The following FXR1 variants were observed in gnomAD, a reference collection of about 807,000 sequenced individuals.
The protein encoded by FXR1 is FMR1 autosomal homolog 1.
Under a neutral mutation model 84.0 loss-of-function variants are expected in FXR1, and 15 were observed. That is an observed-to-expected ratio of 0.18 (90% CI 0.12 to 0.27). FXR1 has a LOEUF of 0.27. FXR1 is among the 10% of genes least tolerant of loss of function. FXR1 has a pLI of 1.00. For synonymous variants in FXR1, 245 were observed against 250.7 expected (o/e 0.98, Z 0.21); for missense variants, 480 against 774.4 (o/e 0.62, Z 4.51).
chr3:180,918,550 GT>G (rs1316862326), intron 1 of FXR1, among the ~76,000 whole-genome samples: 4 of 152,232 alleles, frequency 2.6e-5, no homozygotes, highest in African/African-American at 9.6e-5. Context: ...CTCTATCACA[GT>G]GTTTAAGGTT....
At chr3:180,960,484 G>T (rs1711957351) in intron 10 of FXR1, among the ~76,000 whole-genome samples, 1 of 152,058 alleles carries the variant, frequency 6.6e-6, no homozygotes, top group African/African-American at 2.4e-5. Context: ...TTTGTTTCTG[G>T]AGACAGATTC....
chr3:180,966,956 T>TTA (rs1712912464), intron 13 of FXR1, among the ~76,000 whole-genome samples: 1 of 152,200 alleles, frequency 6.6e-6, no homozygotes, highest in Admixed American at 6.5e-5. Flanking sequence ...AGGCCTCTGA[T>TTA]TATATCTTTG....
chr3:180,970,160 C>T lies in FXR1; in HGVS notation c.1405C>T (p.Leu469Phe). 1 of 1,570,276 alleles carries T rather than the reference C, an allele frequency of 6.4e-7. No individual in the cohort carries two copies. The highest frequency in any genetic ancestry group is 8.8e-7 in the Non-Finnish European group (1 of 1,140,510). The change falls in exon 15 of 17, where the codon CTC becomes TTC. Residue 469 changes from leucine (L) to phenylalanine (F), a missense_variant and splice_region_variant. Physicochemically the swap from Leu to Phe is conservative, Grantham distance 22 (BLOSUM62 0). Transcript: ENST00000357559. ...TCTTGCCTCTGACATGAATATAGTG[C>T]TCAAAGATCCAGACAGCAATCCATA... ...RGGKSSISSV[L>F]KDPDSNPYSL...
intron 13 of FXR1, among the ~76,000 whole-genome samples, chr3:180,963,687 A>G (rs1712433366): frequency 6.6e-6 from 1 of 152,204 alleles, no homozygotes; most frequent in Admixed American, 6.5e-5. Flanking sequence ...ATAAATGAAC[A>G]TTTTCTAAAA....
intron 13 of FXR1, 96 bp downstream of exon 13, chr3:180,963,186 C>G: frequency 3.2e-6 from 2 of 623,270 alleles, no homozygotes; most frequent in East Asian, 5.6e-5. Context: ...TAGTTCATTA[C>G]TCTGTCTTGG....
chr3:180,953,978 T>G (rs2108472726), intron 9 of FXR1, 138 bp downstream of exon 9: 1 of 564,690 alleles, frequency 1.8e-6, no homozygotes, highest in South Asian at 2.5e-5. Flanking sequence ...CAATACTTCT[T>G]TTCTTTTTTT....
At position 180,977,046 on chromosome 3, in the gene FXR1, A is replaced by G. The variant is rs1354146990; in HGVS notation, c.*754A>G. The stretch of plus-strand genomic sequence containing the variant: ...GTTTATTCTGTATAAACTACATGTT[A>G]GTCTTCAGTAGAGTATCTTTTTTTT... On this transcript the variant is annotated 3_prime_UTR_variant, in exon 17 of 17. Transcript: ENST00000357559. 1 of 151,390 alleles carries G rather than the reference A, an allele frequency of 6.6e-6. No homozygotes were observed. The highest frequency in any genetic ancestry group is 1.9e-4 in the East Asian group (1 of 5,174). 9.4% of individuals were successfully genotyped at this position (151,390 alleles called of 1,614,324 possible).
intron 3 of FXR1, among the ~76,000 whole-genome samples, chr3:180,942,990 T>C (rs13095562): frequency 0.24 from 36,504 of 151,988 alleles, 4,596 homozygotes; most frequent in African/African-American, 0.31. Context: ...CTTCCTAAGA[T>C]GGAGTCTTGC....
intron 1 of FXR1, chr3:180,915,594 ATTTC>A (rs1444696326): frequency 1.1e-6 from 1 of 908,570 alleles, no homozygotes; most frequent in Non-Finnish European, 1.7e-6. Context: ...ATTTTAGTGT[ATTTC>A]TTTGGTTTTT....
chr3:180,954,991 T>A (rs964126803), intron 9 of FXR1, among the ~76,000 whole-genome samples: 1 of 149,160 alleles, frequency 6.7e-6, no homozygotes, highest in African/African-American at 2.4e-5. Flanking sequence ...AAATAAATTT[T>A]TTTTTTTTTT....
intron 9 of FXR1, chr3:180,957,536 A>T: frequency 3.9e-6 from 1 of 256,018 alleles, no homozygotes; most frequent in Non-Finnish European, 7.4e-6. Context: ...TATGAAAATG[A>T]TATAAGCATA....
chr3:180,964,670 G>A (rs993369059), intron 13 of FXR1, among the ~76,000 whole-genome samples: 1 of 87,214 alleles, frequency 1.1e-5, no homozygotes, highest in African/African-American at 7.2e-5. Context: ...ACTTGTAGTT[G>A]ATTTATATAT....
At chr3:180,951,638 T>G (rs933159953) in intron 8 of FXR1, among the ~76,000 whole-genome samples, 170 bp downstream of exon 8, 2 of 152,208 alleles carry the variant, frequency 1.3e-5, no homozygotes, top group Non-Finnish European at 2.9e-5. Flanking sequence ...GAAGTTAACT[T>G]TGTATTGAGG....
chr3:180,943,156 G>T (rs565897301), intron 3 of FXR1, among the ~76,000 whole-genome samples: 10 of 151,688 alleles, frequency 6.6e-5, no homozygotes, highest in African/African-American at 1.9e-4. Flanking sequence ...TAGTAGAGAC[G>T]GGGTTTCACC....
intron 1 of FXR1, among the ~76,000 whole-genome samples, chr3:180,931,598 A>G (rs1719907783): frequency 6.6e-6 from 1 of 152,156 alleles, no homozygotes; most frequent in Admixed American, 6.5e-5. Context: ...GTCCCGTGGC[A>G]CACAAATAAA....
At chr3:180,929,489 G>C (rs1450940640) in intron 1 of FXR1, among the ~76,000 whole-genome samples, 1 of 152,174 alleles carries the variant, frequency 6.6e-6, no homozygotes, top group South Asian at 2.1e-4. Flanking sequence ...ATATGTATGG[G>C]AAGAAGAAAA....
rs145396419 is a variant in FXR1, at chr3:180,960,733, A to G, written c.991-735A>G. ...ACCTGCCTCAGCCTCCCAAAGTGCT[A>G]GGATTACAGGTGTGAGTCACCATGA... On this transcript the variant is annotated intron_variant, in intron 10 of 16. Transcript: ENST00000357559. 6.4e-3 allele frequency among the ~76,000 whole-genome samples: 967 copies of G among 152,256 alleles called. 5 individuals are homozygous for G. Among genetic ancestry groups the G allele is most frequent in the Non-Finnish European group, 9.3e-3 (633 of 67,988 alleles).
rs1029306836 is a variant in FXR1 at position 180,979,004 on chromosome 3, C to G, written c.*2712C>G. 2 of 152,008 alleles carry G rather than the reference C, an allele frequency of 1.3e-5. No individual in the cohort carries two copies. The highest frequency in any genetic ancestry group is 4.8e-5 in the African/African-American group (2 of 41,390). 9.4% of individuals were successfully genotyped at this position (152,008 alleles called of 1,614,324 possible). On this transcript the variant is annotated 3_prime_UTR_variant, in exon 17 of 17. Transcript: ENST00000357559. ...ACACAAATCTTTATTTTGAAATAAT[C>G]TTGTATTTTAATGTGGAATTAGAAG...
At chr3:180,950,371 T>C (rs1185906187) in intron 7 of FXR1, among the ~76,000 whole-genome samples, 1 of 152,230 alleles carries the variant, frequency 6.6e-6, no homozygotes, top group Non-Finnish European at 1.5e-5. Flanking sequence ...AACAGTTTCT[T>C]TTCCCCATTC....
Sources: gnomAD v4.1 joint callset for allele counts (sites outside exome capture counted in the v4.1 genomes callset) on GRCh38, gnomAD v4.1.1 for gene constraint, MANE v1.5 for transcripts, NCBI Gene and HGNC (gene_info 2026-07-23, HGNC 2026-07-21) for gene names.